Variants in LRGUK observed in about 807,000 individuals in gnomAD.
The protein encoded by LRGUK is leucine-rich repeat and guanylate kinase domain-containing protein.
In LRGUK, 65 loss-of-function variants were observed where a neutral mutation model predicts 76.0. The observed-to-expected ratio is 0.85, with a 90% CI of 0.70 to 1.05. The LOEUF is 1.05. LRGUK is among the 50% of genes least tolerant of loss of function. The pLI is 0.00. For missense variants in LRGUK, 758 were observed against 732.8 expected, an observed-to-expected ratio of 1.03 and a Z score of -0.40; for synonymous variants, 268 against 265.6, an observed-to-expected ratio of 1.01 and a Z score of -0.09.
chr7:134,150,579 C>T (rs1187666451), intron 5 of LRGUK, among the ~76,000 whole-genome samples: 1 of 151,974 alleles, frequency 6.6e-6, no homozygotes, highest in Non-Finnish European at 1.5e-5. Context: ...ATTAGGGTTC[C>T]CTGAATGCTG....
chr7:134,169,200 G>A (rs1421043111), intron 7 of LRGUK, among the ~76,000 whole-genome samples: 1 of 145,132 alleles, frequency 6.9e-6, no homozygotes, highest in African/African-American at 2.6e-5. Context: ...ACACACTGAA[G>A]GCCATGAGAA....
intron 9 of LRGUK, among the ~76,000 whole-genome samples, chr7:134,177,887 G>A (rs1222027579): frequency 6.6e-6 from 1 of 152,078 alleles, no homozygotes; most frequent in African/African-American, 2.4e-5. Context: ...CATGTATTAA[G>A]TAAAGATATG....
intron 15 of LRGUK, among the ~76,000 whole-genome samples, chr7:134,205,256 A>G (rs544677708): frequency 2.0e-5 from 3 of 152,100 alleles, no homozygotes; most frequent in Non-Finnish European, 4.4e-5. Context: ...GCATTTTACA[A>G]ACCTCTTGTA....
At chr7:134,223,651 A>G (rs533030988) in intron 16 of LRGUK, among the ~76,000 whole-genome samples, 202 of 152,332 alleles carry the variant, frequency 1.3e-3, no homozygotes, top group Non-Finnish European at 2.1e-3. Context: ...GGGAAATTGC[A>G]GAAGGGCCTC....
Position 134,217,153 on chromosome 7 carries a change from CT to C in LRGUK, c.1844-4610del, listed in dbSNP as rs75989063. 5.6e-3 allele frequency among the ~76,000 whole-genome samples: 690 copies of C among 122,124 alleles called. 3 individuals carry two copies. The highest frequency in any genetic ancestry group is 0.017 in the South Asian group (63 of 3,722). 80.1% of individuals were successfully genotyped at this position (122,124 alleles called of 152,430 possible). A position where few individuals can be genotyped will look rare whatever the true frequency, so the allele number is the denominator to read the frequency against. On this transcript the variant is annotated intron_variant, in intron 15 of 19. Coordinates refer to the LRGUK transcript ENST00000285928. Reference sequence around the variant, plus strand: ...GTAACTACTTCATTAAATACTCATCCTTTTTTTTTTTTTTTTCGGAATTCTG... The same window carrying C: ...GTAACTACTTCATTAAATACTCATCCTTTTTTTTTTTTTTTCGGAATTCTG...
chr7:134,221,963 C>G (rs904512941), intron 16 of LRGUK, 45 bp downstream of exon 16: 1 of 1,442,826 alleles, frequency 6.9e-7, no homozygotes, highest in Non-Finnish European at 9.1e-7. Context: ...GAGCTCTATA[C>G]AATGTCAGAC....
At chr7:134,266,364 CA>C (rs1802855970), downstream of LRGUK, among the ~76,000 whole-genome samples, 1 of 152,040 alleles carries the variant, frequency 6.6e-6, no homozygotes, top group African/African-American at 2.4e-5. Flanking sequence ...AAAAATGCTT[CA>C]ACAAGCAATT....
In LRGUK at chr7:134,191,756, G is replaced by A. The variant is rs765816317; in HGVS notation, c.1431+5G>A. 1 of 1,580,906 alleles carries A rather than the reference G, an allele frequency of 6.3e-7. No homozygotes were observed. Among genetic ancestry groups the A allele is most frequent in the Non-Finnish European group, 8.7e-7 (1 of 1,152,926 alleles). On this transcript the variant is annotated splice_donor_5th_base_variant and intron_variant, in intron 12 of 15. Coordinates refer to ENST00000645682, the Ensembl canonical transcript of LRGUK. The stretch of plus-strand genomic sequence containing the variant: ...TTTGATGAAATGGTGAACATGGTAA[G>A]AATGTTTGCCTTTGTTTTTATTGCA...
intron 14 of LRGUK, among the ~76,000 whole-genome samples, chr7:134,199,778 C>T (rs932338114): frequency 1.3e-5 from 2 of 150,946 alleles, no homozygotes; most frequent in African/African-American, 2.4e-5. Context: ...ATAATCTACA[C>T]GTAGGTTAAA....
At chr7:134,158,686 A>G (rs929724430) in intron 6 of LRGUK, among the ~76,000 whole-genome samples, 4 of 152,188 alleles carry the variant, frequency 2.6e-5, no homozygotes, top group Admixed American at 2.0e-4. Flanking sequence ...TTCCAATCAG[A>G]AAGTTTAAAT....
intron 1 of LRGUK, among the ~76,000 whole-genome samples, chr7:134,133,585 A>T (rs1030284216): frequency 1.3e-5 from 2 of 152,228 alleles, no homozygotes; most frequent in African/African-American, 4.8e-5. Flanking sequence ...TGAGCCAAGC[A>T]CAGTGGCTGG....
At chr7:134,183,783 C>T (rs1799861868) in exon 11 of LRGUK, 5 of 1,613,934 alleles carry the variant, frequency 3.1e-6, no homozygotes, top group Non-Finnish European at 4.2e-6. Context: ...ACTAGCTGGT[C>T]CTGAAGCTTG....
chr7:134,247,788 G>A (rs1802345037), intron 17 of LRGUK, 144 bp downstream of exon 17: 1 of 530,892 alleles, frequency 1.9e-6, no homozygotes, highest in Admixed American at 3.6e-5. Context: ...TCTAGAAGTT[G>A]TATTTCCTTT....
intron 11 of LRGUK, among the ~76,000 whole-genome samples, chr7:134,187,504 T>C (rs1392923427): frequency 1.3e-5 from 2 of 152,234 alleles, no homozygotes; most frequent in African/African-American, 4.8e-5. Context: ...TATCCAGATA[T>C]ATAAATATTG....
At chr7:134,138,589 G>A (rs1176540285) in intron 2 of LRGUK, among the ~76,000 whole-genome samples, 1 of 152,114 alleles carries the variant, frequency 6.6e-6, no homozygotes, top group Non-Finnish European at 1.5e-5. Context: ...TATTCAGTAA[G>A]TGTTTATTTA....
the LRGUK span, among the ~76,000 whole-genome samples, chr7:134,274,784 G>T: frequency 4.0e-3 from 604 of 151,862 alleles, 4 homozygotes; most frequent in African/African-American, 0.014. Flanking sequence ...GAAAATATCA[G>T]TGCCACCTGT....
chr7:134,208,913 C>G (rs1801120292), exon 16 of LRGUK: 2 of 398,984 alleles, frequency 5.0e-6, no homozygotes, highest in Non-Finnish European at 8.8e-6. Flanking sequence ...TCAAAAAGAG[C>G]TTTCTCCTGA....
intron 5 of LRGUK, among the ~76,000 whole-genome samples, chr7:134,151,127 G>C (rs1202028030): frequency 2.0e-5 from 3 of 152,142 alleles, no homozygotes; most frequent in African/African-American, 7.2e-5. Flanking sequence ...GCATGATACA[G>C]GTGGTGAAGT....
At chr7:134,230,474 G>A (rs7799320) in intron 16 of LRGUK, among the ~76,000 whole-genome samples, 3,892 of 152,206 alleles carry the variant, frequency 0.026, 114 homozygotes, top group African/African-American at 0.072. Context: ...CACCTCAACC[G>A]TGGTATTCTT....
Sources: allele counts gnomAD v4.1 joint callset (sites outside exome capture counted in the v4.1 genomes callset), GRCh38; gene constraint gnomAD v4.1.1; transcripts MANE v1.5; gene names NCBI Gene and HGNC (gene_info 2026-07-23, HGNC 2026-07-21).